The following TAFA1 variants were observed in gnomAD, a reference collection of about 807,000 sequenced individuals.
TAFA1 encodes the protein chemokine-like protein TAFA-1.
TAFA1 carries 4 observed loss-of-function variants against 18.5 expected under a neutral mutation model. That is an observed-to-expected ratio of 0.22 (90% CI 0.11 to 0.49). The LOEUF is 0.49. Among genes scored for constraint, TAFA1 ranks in the 20% least tolerant of loss-of-function variants. TAFA1 has a pLI of 0.98. For synonymous variants in TAFA1, 56 were observed against 55.2 expected (o/e 1.01, Z -0.06); for missense variants, 147 against 169.0 (o/e 0.87, Z 0.72).
intron 2 of TAFA1, among the ~76,000 whole-genome samples, chr3:68,187,371 T>C (rs1434109310): frequency 6.6e-6 from 1 of 152,046 alleles, no homozygotes; most frequent in East Asian, 1.9e-4. Context: ...ATGCCCCTTC[T>C]AATCACCTTC....
chr3:68,521,540 G>C (rs1034751590), intron 3 of TAFA1, among the ~76,000 whole-genome samples: 1 of 152,138 alleles, frequency 6.6e-6, no homozygotes, highest in Non-Finnish European at 1.5e-5. Context: ...TGAGGAAATA[G>C]GAGCACAATA....
intron 2 of TAFA1, among the ~76,000 whole-genome samples, chr3:68,180,281 C>T (rs753829784): frequency 6.6e-6 from 1 of 151,860 alleles, no homozygotes; most frequent in Non-Finnish European, 1.5e-5. Context: ...CTCAGGTTAT[C>T]CACCTGCTTT....
chr3:68,073,481 C>T (rs1449046137), intron 2 of TAFA1, among the ~76,000 whole-genome samples: 1 of 152,112 alleles, frequency 6.6e-6, no homozygotes, highest in Non-Finnish European at 1.5e-5. Flanking sequence ...CTTTATCTTG[C>T]TAAAGGGAAC....
chr3:68,440,796 A>G (rs771567590), intron 3 of TAFA1, among the ~76,000 whole-genome samples: 3 of 152,120 alleles, frequency 2.0e-5, no homozygotes, highest in Non-Finnish European at 4.4e-5. Flanking sequence ...GGAATAGTAG[A>G]CTGATTTTAT....
chr3:68,088,705 T>C (rs2064999169), intron 2 of TAFA1, among the ~76,000 whole-genome samples: 1 of 152,114 alleles, frequency 6.6e-6, no homozygotes, highest in South Asian at 2.1e-4. Flanking sequence ...ACAAATACAA[T>C]GAGAGCTCTG....
chr3:68,050,712 G>A (rs763994819), intron 2 of TAFA1, among the ~76,000 whole-genome samples: 69 of 152,238 alleles, frequency 4.5e-4, no homozygotes, highest in Non-Finnish European at 8.2e-4. Flanking sequence ...TCTAAAGCAA[G>A]GGTCAGCCAT....
At chr3:68,440,793 T>C (rs980528827) in intron 3 of TAFA1, among the ~76,000 whole-genome samples, 1 of 152,158 alleles carries the variant, frequency 6.6e-6, no homozygotes, top group African/African-American at 2.4e-5. Context: ...TGTGGAATAG[T>C]AGACTGATTT....
chr3:68,100,204 G>A (rs1484152426), intron 2 of TAFA1, among the ~76,000 whole-genome samples: 1 of 152,120 alleles, frequency 6.6e-6, no homozygotes, highest in Non-Finnish European at 1.5e-5. Context: ...ATGTAGAAAG[G>A]TCAGGCACAG....
At position 68,252,133 on chromosome 3, in the gene TAFA1, G is replaced by A. The variant is rs532904389; in HGVS notation, c.119-165147G>A. On this transcript the variant is annotated intron_variant, in intron 2 of 4. Transcript: ENST00000478136. ...TGGCTTGTTTCTCATCTTCTTCCTTGATCCTAAATGTCAGCAAATCTCCCT... is the reference window on the plus strand; with the variant it reads ...TGGCTTGTTTCTCATCTTCTTCCTTAATCCTAAATGTCAGCAAATCTCCCT... Among the ~76,000 whole-genome samples the A allele has an allele frequency of 5.3e-5, 8 of 152,060 alleles. No homozygotes were observed. The South Asian group carries it at 1.7e-3, about 32-fold the overall frequency.
intron 2 of TAFA1, among the ~76,000 whole-genome samples, chr3:68,320,288 A>G (rs1330744163): frequency 1.3e-5 from 2 of 152,096 alleles, no homozygotes; most frequent in Non-Finnish European, 2.9e-5. Flanking sequence ...CTCCAAGTTG[A>G]ATGGATGCAG....
rs149289467 is a variant in TAFA1 at position 68,128,599 on chromosome 3, C to CA, written c.118+121856dup. 5.9e-3 allele frequency among the ~76,000 whole-genome samples: 900 copies of CA among 152,320 alleles called. 9 individuals carry two copies. Among genetic ancestry groups the CA allele is most frequent in the African/African-American group, 0.021 (872 of 41,580 alleles). ...CCCACCAAAACATGCAGAACTGTTG[C>CA]ACCTGATTGTCTGCCAAATTCTTAT... On this transcript the variant is annotated intron_variant, in intron 2 of 4. Coordinates refer to ENST00000478136, the MANE Select transcript of TAFA1 (RefSeq NM_213609.4).
chr3:68,147,433 T>A (rs1366754503), intron 2 of TAFA1, among the ~76,000 whole-genome samples: 1 of 152,132 alleles, frequency 6.6e-6, no homozygotes, highest in African/African-American at 2.4e-5. Flanking sequence ...CTCTGCCTCT[T>A]GTCCAGCCTA....
intron 2 of TAFA1, among the ~76,000 whole-genome samples, chr3:68,011,213 G>C (rs960872477): frequency 3.3e-5 from 5 of 151,966 alleles, no homozygotes; most frequent in African/African-American, 4.8e-5. Flanking sequence ...AGATCCTTGG[G>C]ATTCTTCAGT....
At chr3:68,322,328 C>T (rs749251703) in intron 2 of TAFA1, among the ~76,000 whole-genome samples, 7 of 152,162 alleles carry the variant, frequency 4.6e-5, no homozygotes, top group Non-Finnish European at 8.8e-5. Flanking sequence ...ATAAGATTTG[C>T]TGGGTTTGTG....
intron 2 of TAFA1, among the ~76,000 whole-genome samples, chr3:68,042,327 G>C: frequency 6.6e-6 from 1 of 152,188 alleles, no homozygotes; most frequent in Non-Finnish European, 1.5e-5. Context: ...AGCAGATATT[G>C]TTTTCAATTT....
intron 2 of TAFA1, among the ~76,000 whole-genome samples, chr3:68,332,890 A>G (rs747210223): frequency 3.3e-5 from 5 of 152,238 alleles, no homozygotes; most frequent in African/African-American, 1.2e-4. Flanking sequence ...GCCAATAACC[A>G]TATGAAAATG....
At chr3:68,370,480 A>T (rs1265908080) in intron 2 of TAFA1, among the ~76,000 whole-genome samples, 1 of 32,760 alleles carries the variant, frequency 3.1e-5, no homozygotes, top group Non-Finnish European at 6.6e-5. Context: ...GTGTATATAT[A>T]TATATATATA....
intron 3 of TAFA1, among the ~76,000 whole-genome samples, chr3:68,452,522 C>CAAAAAAAAAAAAAAAAA (rs10663334): frequency 8.8e-6 from 1 of 113,378 alleles, no homozygotes; most frequent in Non-Finnish European, 1.8e-5. Flanking sequence ...AACTCTCTCT[C>CAAAAAAAAAAAAAAAAA]AAAAAAAAAA....
At chr3:68,065,185 C>G (rs2064658347) in intron 2 of TAFA1, among the ~76,000 whole-genome samples, 3 of 152,142 alleles carry the variant, frequency 2.0e-5, no homozygotes, top group African/African-American at 7.2e-5. Flanking sequence ...CTATGAATGT[C>G]TACTGTAACT....
Sources: gnomAD v4.1 joint callset for allele counts (sites outside exome capture counted in the v4.1 genomes callset) on GRCh38, gnomAD v4.1.1 for gene constraint, MANE v1.5 for transcripts, NCBI Gene and HGNC (gene_info 2026-07-23, HGNC 2026-07-21) for gene names.